Variants in TMEM132D observed in about 807,000 individuals in gnomAD.
The protein encoded by TMEM132D is transmembrane protein 132D.
Under a neutral mutation model 62.3 loss-of-function variants are expected in TMEM132D, and 21 were observed. That is an observed-to-expected ratio of 0.34 (90% CI 0.24 to 0.49). The LOEUF is 0.49. Among genes scored for constraint, TMEM132D ranks in the 20% least tolerant of loss-of-function variants. The pLI is 0.99. For synonymous variants in TMEM132D, 621 were observed against 575.6 expected, an observed-to-expected ratio of 1.08 and a Z score of -1.13; for missense variants, 1,346 against 1,402.8, an observed-to-expected ratio of 0.96 and a Z score of 0.65.
At chr12:129,675,344 T>A (rs1248078113) in intron 2 of TMEM132D, among the ~76,000 whole-genome samples, 4 of 119,128 alleles carry the variant, frequency 3.4e-5, no homozygotes, top group Non-Finnish European at 6.8e-5. Context: ...GGAGACAGAT[T>A]GGGGAACATC....
intron 4 of TMEM132D, among the ~76,000 whole-genome samples, chr12:129,313,520 G>T (rs1183709147): frequency 6.6e-6 from 1 of 151,336 alleles, no homozygotes; most frequent in Non-Finnish European, 1.5e-5. Flanking sequence ...TGGCTGTGTA[G>T]TATTCCATCA....
intron 4 of TMEM132D, among the ~76,000 whole-genome samples, chr12:129,312,780 C>T (rs1287512800): frequency 1.3e-5 from 2 of 152,184 alleles, no homozygotes; most frequent in Non-Finnish European, 2.9e-5. Context: ...TTCTTGCCCC[C>T]TCCATCCCCA....
chr12:129,775,320 C>T (rs1028355275), intron 1 of TMEM132D, among the ~76,000 whole-genome samples: 2 of 152,126 alleles, frequency 1.3e-5, no homozygotes, highest in Non-Finnish European at 2.9e-5. Context: ...AACATTTGGG[C>T]GGAATGCCAC....
chr12:129,585,596 T>C (rs1417818965), intron 2 of TMEM132D, among the ~76,000 whole-genome samples: 1 of 152,238 alleles, frequency 6.6e-6, no homozygotes, highest in Non-Finnish European at 1.5e-5. Flanking sequence ...TGGACAGTTG[T>C]GTGATTTGCT....
At chr12:129,821,512 G>A (rs1013833512) in intron 1 of TMEM132D, among the ~76,000 whole-genome samples, 2 of 152,174 alleles carry the variant, frequency 1.3e-5, no homozygotes, top group African/African-American at 2.4e-5. Flanking sequence ...TCTGCACATC[G>A]GTTGCCTGGA....
chr12:129,854,930 C>G (rs1284885156), intron 1 of TMEM132D: 1 of 152,342 alleles, frequency 6.6e-6, no homozygotes, highest in African/African-American at 2.4e-5. Context: ...ATCCAGCAAC[C>G]TTGGACCTAC....
chr12:129,418,472 A>C (rs112636645), intron 3 of TMEM132D, among the ~76,000 whole-genome samples: 3,388 of 152,240 alleles, frequency 0.022, 129 homozygotes, highest in African/African-American at 0.076. Flanking sequence ...AGAAAACCAA[A>C]CACCACACGT....
At chr12:129,611,242 A>C (rs536640399) in intron 2 of TMEM132D, among the ~76,000 whole-genome samples, 2 of 152,290 alleles carry the variant, frequency 1.3e-5, no homozygotes, top group African/African-American at 4.8e-5. Flanking sequence ...TTTTACTTTT[A>C]AGAAAACGAA....
intron 1 of TMEM132D, among the ~76,000 whole-genome samples, chr12:129,862,661 T>C (rs1873934791): frequency 6.6e-6 from 1 of 152,188 alleles, no homozygotes; most frequent in African/African-American, 2.4e-5. Context: ...GTGCCTTTCA[T>C]GCTGGAGGAC....
At chr12:129,306,371 G>A (rs1881846406) in intron 4 of TMEM132D, among the ~76,000 whole-genome samples, 1 of 152,178 alleles carries the variant, frequency 6.6e-6, no homozygotes, top group Non-Finnish European at 1.5e-5. Context: ...CTGAAGACAA[G>A]CTTCAGCATA....
At chr12:129,732,470 G>A (rs1869281320) in intron 1 of TMEM132D, among the ~76,000 whole-genome samples, 1 of 152,172 alleles carries the variant, frequency 6.6e-6, no homozygotes, top group Admixed American at 6.5e-5. Context: ...AATCAGAGGG[G>A]CCGATGCCTC....
At chr12:129,789,302 G>A (rs1288910016) in intron 1 of TMEM132D, among the ~76,000 whole-genome samples, 2 of 151,956 alleles carry the variant, frequency 1.3e-5, no homozygotes, top group East Asian at 1.9e-4. Context: ...TACTTATAAG[G>A]GAGAACAAAC....
intron 4 of TMEM132D, among the ~76,000 whole-genome samples, chr12:129,292,164 A>G (rs1303617553): frequency 1.3e-5 from 2 of 152,200 alleles, no homozygotes; most frequent in African/African-American, 2.4e-5. Flanking sequence ...CATTTTCCCC[A>G]TGATTTAGCA....
chr12:129,709,074 T>C (rs573869020), intron 1 of TMEM132D, among the ~76,000 whole-genome samples: 8 of 152,220 alleles, frequency 5.3e-5, no homozygotes, highest in African/African-American at 9.6e-5. Context: ...CAGAGTGATA[T>C]ATTTTTTCCT....
intron 5 of TMEM132D, among the ~76,000 whole-genome samples, chr12:129,169,773 A>T (rs7303187): frequency 6.6e-6 from 1 of 152,058 alleles, no homozygotes; most frequent in African/African-American, 2.4e-5. Flanking sequence ...TGCTTTGAGC[A>T]TCTGTGTATA....
At chr12:129,297,937 G>A (rs936884638) in intron 4 of TMEM132D, among the ~76,000 whole-genome samples, 5 of 152,034 alleles carry the variant, frequency 3.3e-5, no homozygotes, top group African/African-American at 9.7e-5. Flanking sequence ...CTTTTGAGCT[G>A]GTAATTAAAT....
chr12:129,270,304 G>C (rs1880818709), intron 4 of TMEM132D, among the ~76,000 whole-genome samples: 1 of 152,116 alleles, frequency 6.6e-6, no homozygotes, highest in Non-Finnish European at 1.5e-5. Flanking sequence ...CACAAATCTG[G>C]TCTGGTTACC....
intron 3 of TMEM132D, among the ~76,000 whole-genome samples, chr12:129,403,334 T>G (rs1467210002): frequency 2.0e-5 from 3 of 149,646 alleles, no homozygotes; most frequent in African/African-American, 7.4e-5. Flanking sequence ...CTTAGGAGAA[T>G]TTAGACACAT....
At position 129,126,752 on chromosome 12, in the gene TMEM132D, C is replaced by T. The variant is rs79970104; in HGVS notation, c.1444-42050G>A. On this transcript the variant is annotated intron_variant, in intron 5 of 8. Transcript: ENST00000422113. The stretch of plus-strand genomic sequence containing the variant: ...AGTCAGATAAAATGGGGTAGTAATG[C>T]GATGGCTTTCTTGTATATTGCTAGC... Among the ~76,000 whole-genome samples, 787 of 152,274 alleles carry T rather than the reference C, an allele frequency of 5.2e-3. 27 individuals carry two copies. Among genetic ancestry groups the T allele is most frequent in the East Asian group, 0.035 (179 of 5,182 alleles).
Sources: gnomAD v4.1 joint callset for allele counts (sites outside exome capture counted in the v4.1 genomes callset) on GRCh38, gnomAD v4.1.1 for gene constraint, MANE v1.5 for transcripts, NCBI Gene and HGNC (gene_info 2026-07-23, HGNC 2026-07-21) for gene names.